PRKN: variants seen among roughly 807,000 people sequenced by gnomAD.
PRKN encodes E3 ubiquitin-protein ligase parkin.
PRKN carries 56 observed loss-of-function variants against 59.5 expected under a neutral mutation model. The observed-to-expected ratio is 0.94, with a 90% confidence interval of 0.76 to 1.18. The LOEUF (loss-of-function observed/expected upper bound fraction) is 1.18. Ranked by LOEUF, PRKN falls within the 50% of genes most tolerant of loss-of-function variation. The probability of loss-of-function intolerance (pLI) is 0.00; values close to 1 mark genes in which losing one functional copy is unlikely to be tolerated. For synonymous variants in PRKN, 250 were observed against 222.1 expected, an observed-to-expected ratio of 1.13 and a Z score of -1.12; for missense variants, 657 against 596.4, an observed-to-expected ratio of 1.10 and a Z score of -1.06.
intron 9 of PRKN, among the ~76,000 whole-genome samples, chr6:161,430,106 G>C (rs903419822): frequency 1.3e-5 from 2 of 152,198 alleles, no homozygotes; most frequent in Non-Finnish European, 2.9e-5. Flanking sequence ...GGGAATCTGA[G>C]TCTTTTATAA....
At chr6:162,570,212 C>T (rs1780261802) in intron 1 of PRKN, among the ~76,000 whole-genome samples, 1 of 152,144 alleles carries the variant, frequency 6.6e-6, no homozygotes, top group Non-Finnish European at 1.5e-5. Flanking sequence ...AGGTGGTCAA[C>T]ATCACTCATC....
intron 4 of PRKN, among the ~76,000 whole-genome samples, chr6:162,152,096 G>T (rs1423604657): frequency 6.6e-6 from 1 of 152,132 alleles, no homozygotes; most frequent in African/African-American, 2.4e-5. Flanking sequence ...ACTTGTGGCT[G>T]CTCAACAGTA....
intron 2 of PRKN, among the ~76,000 whole-genome samples, chr6:162,393,555 T>G (rs570813321): frequency 6.6e-6 from 1 of 152,240 alleles, no homozygotes; most frequent in South Asian, 2.1e-4. Context: ...GAGATCAACT[T>G]TTGCATGCAC....
At chr6:161,558,444 A>G (rs1212318262) in intron 8 of PRKN, among the ~76,000 whole-genome samples, 1 of 152,068 alleles carries the variant, frequency 6.6e-6, no homozygotes, top group African/African-American at 2.4e-5. Flanking sequence ...ATGTACCTGT[A>G]GTCCCAGCTA....
At chr6:162,144,528 A>T (rs1385259770) in intron 4 of PRKN, among the ~76,000 whole-genome samples, 1 of 152,104 alleles carries the variant, frequency 6.6e-6, no homozygotes, top group East Asian at 1.9e-4. Context: ...TGGTGCTCCG[A>T]GCCTTCCTGG....
At chr6:162,213,804 T>TACACACAC (rs58192789) in intron 3 of PRKN, among the ~76,000 whole-genome samples, 3 of 126,582 alleles carry the variant, frequency 2.4e-5, no homozygotes, top group Admixed American at 1.6e-4. Context: ...AAAAAAACCA[T>TACACACAC]ACACACACAC....
intron 1 of PRKN, among the ~76,000 whole-genome samples, chr6:162,649,250 G>C (rs1219062871): frequency 6.6e-6 from 1 of 152,124 alleles, no homozygotes; most frequent in Non-Finnish European, 1.5e-5. Flanking sequence ...CAATGAAACA[G>C]ACAAAAATCT....
In PRKN at chr6:161,388,135, C is replaced by G. The variant is rs931479967; in HGVS notation, c.1084-1258G>C. Among the ~76,000 whole-genome samples, 5 of 152,184 alleles carry G rather than the reference C, an allele frequency of 3.3e-5. No individual in the cohort carries two copies. Among genetic ancestry groups the G allele is most frequent in the Non-Finnish European group, 5.9e-5 (4 of 68,038 alleles). ...AGTTGTGGATCAGCAGTGGAACACA[C>G]CAGACTGGAGTCATCATCCCATCCC... is the stretch of plus-strand genomic sequence containing the variant. On this transcript the variant is annotated intron_variant, in intron 9 of 11. Coordinates refer to ENST00000366898, the MANE Select transcript of PRKN (RefSeq NM_004562.3). The surrounding 1 kb of genome is among the most constrained non-coding windows in gnomAD (Gnocchi z 4.3).
chr6:162,266,033 C>G (rs1333329975), intron 2 of PRKN, among the ~76,000 whole-genome samples: 2 of 152,150 alleles, frequency 1.3e-5, no homozygotes, highest in Non-Finnish European at 2.9e-5. Flanking sequence ...GAGAAATGGG[C>G]ATCAGGATCC....
intron 7 of PRKN, among the ~76,000 whole-genome samples, chr6:161,701,394 GAAT>G (rs1209936896): frequency 6.6e-6 from 1 of 152,092 alleles, no homozygotes; most frequent in East Asian, 1.9e-4. Flanking sequence ...GAATTTCTTG[GAAT>G]AAGTAAAACA....
intron 7 of PRKN, among the ~76,000 whole-genome samples, chr6:161,603,147 A>AT (rs1385708612): frequency 7.3e-5 from 11 of 151,612 alleles, no homozygotes; most frequent in East Asian, 1.9e-4. Flanking sequence ...TAAATTGCCG[A>AT]TTTTTTTTTG....
rs138340483 is a variant in PRKN at position 162,273,212 on chromosome 6, T to C, written c.172-10447A>G. Among the ~76,000 whole-genome samples, 505 of 152,110 alleles carry C rather than the reference T, an allele frequency of 3.3e-3. 1 individual carries two copies. The highest frequency in any genetic ancestry group is 0.015 in the South Asian group (71 of 4,824). On this transcript the variant is annotated intron_variant, in intron 2 of 11. Transcript: ENST00000366898. ...ACGTAGAAAGGAAAATCGAAGTTAG[T>C]GAAAATGGTTACCTATGAGGGAGTA...
chr6:161,369,354 G>A lies in PRKN; in HGVS notation c.1168-9149C>T, dbSNP rs1785348022. ...TTAGAATCCCTAAAAATGCCCTAAG[G>A]GGTTGCGAGGGGCGGGAGGTTTGGG... On this transcript the variant is annotated intron_variant, in intron 10 of 11. Transcript: ENST00000366898. This position sits in a 1 kb window ranked among gnomAD's most constrained non-coding sequence, Gnocchi z 5.8. 6.6e-6 allele frequency among the ~76,000 whole-genome samples: 1 copy of A among 152,164 alleles called. No individual in the cohort carries two copies. The highest frequency in any genetic ancestry group is 1.5e-5 in the Non-Finnish European group (1 of 68,028).
rs1392580448 is a variant in PRKN at position 161,526,947 on chromosome 6, T to C, written c.1083+21907A>G. ...TCTCTGGCTGGGAGGTGGTGACAGG[T>C]TATGGAAAGGTGAGGGGAGGAAATG... On this transcript the variant is annotated intron_variant, in intron 9 of 11. Coordinates refer to ENST00000366898, the MANE Select transcript of PRKN (RefSeq NM_004562.3). The surrounding 1 kb of genome is among the most constrained non-coding windows in gnomAD (Gnocchi z 4.1). Among the ~76,000 whole-genome samples the C allele has an allele frequency of 6.6e-6, 1 of 151,874 alleles. No individual in the cohort carries two copies. The highest frequency in any genetic ancestry group is 1.5e-5 in the Non-Finnish European group (1 of 67,962).
chr6:161,735,463 T>C (rs1051970993), intron 7 of PRKN, among the ~76,000 whole-genome samples: 2 of 152,210 alleles, frequency 1.3e-5, no homozygotes, highest in African/African-American at 4.8e-5. Flanking sequence ...CAATAGGTGT[T>C]AGTCGACTAT....
At chr6:162,502,335 A>T (rs753334795) in intron 1 of PRKN, among the ~76,000 whole-genome samples, 6 of 151,966 alleles carry the variant, frequency 3.9e-5, no homozygotes, top group Admixed American at 6.6e-5. Flanking sequence ...TACTTTTTAC[A>T]TTTTTTGTAA....
intron 1 of PRKN, among the ~76,000 whole-genome samples, chr6:162,526,842 G>A (rs34665989): frequency 0.13 from 19,560 of 152,072 alleles, 1,376 homozygotes; most frequent in Middle Eastern, 0.21. Context: ...CTATCAAAGT[G>A]TACCTTGTTG....
At chr6:162,140,782 A>T (rs1370792314) in intron 4 of PRKN, among the ~76,000 whole-genome samples, 2 of 152,204 alleles carry the variant, frequency 1.3e-5, no homozygotes, top group Non-Finnish European at 2.9e-5. Flanking sequence ...TTTTTGAAAC[A>T]AGAGCCTACA....
At chr6:161,994,122 A>T (rs1471318805) in intron 5 of PRKN, among the ~76,000 whole-genome samples, 2 of 152,132 alleles carry the variant, frequency 1.3e-5, no homozygotes, top group African/African-American at 4.8e-5. Flanking sequence ...TCAACAAAAT[A>T]GCATATCATG....
Sources: allele counts gnomAD v4.1 joint callset (sites outside exome capture counted in the v4.1 genomes callset), GRCh38; gene constraint gnomAD v4.1.1; non-coding constraint Gnocchi (gnomAD v3.1); transcripts MANE v1.5; gene names NCBI Gene and HGNC (gene_info 2026-07-23, HGNC 2026-07-21).